CRADD: variants seen among roughly 807,000 people sequenced by gnomAD.
CRADD encodes CARD and death domain containing adaptor protein.
A neutral mutation model predicts 15.5 loss-of-function variants in CRADD; 9 were observed. That is an observed-to-expected ratio of 0.58 (90% CI 0.35 to 1.01). The LOEUF is 1.01. CRADD is among the 50% of genes least tolerant of loss of function. CRADD has a pLI of 0.02. For synonymous variants in CRADD, 118 were observed against 107.6 expected (o/e 1.10, Z -0.60); for missense variants, 227 against 250.3 (o/e 0.91, Z 0.63).
chr12:93,705,673 G>A (rs770790208), intron 2 of CRADD, among the ~76,000 whole-genome samples: 6 of 152,166 alleles, frequency 3.9e-5, no homozygotes, highest in Non-Finnish European at 8.8e-5. Context: ...GGAATTTAAT[G>A]TGTCAGTAAT....
chr12:93,855,473 A>G (rs906706241), downstream of CRADD, among the ~76,000 whole-genome samples: 4 of 152,250 alleles, frequency 2.6e-5, no homozygotes, highest in Non-Finnish European at 5.9e-5. Flanking sequence ...TGTTTGACCA[A>G]TGAGACAGAC....
At chr12:93,783,372 T>G (rs1957234902) in intron 2 of CRADD, among the ~76,000 whole-genome samples, 1 of 151,428 alleles carries the variant, frequency 6.6e-6, no homozygotes, top group Non-Finnish European at 1.5e-5. Context: ...TGTTTTATTT[T>G]ATGCTGGCTC....
At chr12:93,802,370 A>G (rs1242065528) in intron 2 of CRADD, among the ~76,000 whole-genome samples, 1 of 152,198 alleles carries the variant, frequency 6.6e-6, no homozygotes, top group South Asian at 2.1e-4. Context: ...TTGACGTTAT[A>G]ATTATGTCTT....
At chr12:93,778,183 A>ATAG (rs1213674402) in intron 2 of CRADD, among the ~76,000 whole-genome samples, 1 of 152,198 alleles carries the variant, frequency 6.6e-6, no homozygotes, top group African/African-American at 2.4e-5. Flanking sequence ...ATTTTTGAAA[A>ATAG]TACCATGGTT....
At chr12:93,688,165 C>G (rs1217183524) in intron 2 of CRADD, among the ~76,000 whole-genome samples, 1 of 152,124 alleles carries the variant, frequency 6.6e-6, no homozygotes. Context: ...CTTAGTCTGT[C>G]AGACTGGCTG....
At chr12:93,816,607 C>T (rs866784791) in intron 2 of CRADD, among the ~76,000 whole-genome samples, 1 of 152,144 alleles carries the variant, frequency 6.6e-6, no homozygotes, top group African/African-American at 2.4e-5. Context: ...ACATTTAGAG[C>T]ACACTTCAAT....
chr12:93,869,583 A>C (rs1031392323), intron 2 of CRADD, among the ~76,000 whole-genome samples: 1 of 152,178 alleles, frequency 6.6e-6, no homozygotes, highest in Non-Finnish European at 1.5e-5. Flanking sequence ...GCTGAAAAAG[A>C]ACCAAATGGA....
At chr12:93,759,083 T>C (rs988792698) in intron 2 of CRADD, among the ~76,000 whole-genome samples, 10 of 152,208 alleles carry the variant, frequency 6.6e-5, no homozygotes, top group African/African-American at 1.9e-4. Flanking sequence ...TAGAATGTTT[T>C]ATTACTTTTG....
At chr12:93,701,295 GACAC>G (rs55986038) in intron 2 of CRADD, among the ~76,000 whole-genome samples, 2,155 of 143,426 alleles carry the variant, frequency 0.015, 31 homozygotes, top group African/African-American at 0.037. Flanking sequence ...CTCTCTCTGT[GACAC>G]ACACACACAC....
At chr12:93,788,860 A>G (rs1044834654) in intron 2 of CRADD, among the ~76,000 whole-genome samples, 5 of 152,150 alleles carry the variant, frequency 3.3e-5, no homozygotes, top group African/African-American at 1.2e-4. Context: ...AGGGCACGGG[A>G]GAGCCTTTGG....
chr12:93,727,652 A>G (rs1443811364), intron 2 of CRADD, among the ~76,000 whole-genome samples: 1 of 152,214 alleles, frequency 6.6e-6, no homozygotes, highest in Admixed American at 6.5e-5. Context: ...TTATATGAGC[A>G]GAGGCATGTA....
intron 2 of CRADD, among the ~76,000 whole-genome samples, chr12:93,706,800 G>T (rs1161760955): frequency 6.6e-6 from 1 of 152,206 alleles, no homozygotes; most frequent in Non-Finnish European, 1.5e-5. Context: ...AGTATTGCAT[G>T]CAATCATTGT....
chr12:93,779,108 C>G lies in CRADD; in HGVS notation c.299-70862C>G, dbSNP rs74938312. On this transcript the variant is annotated intron_variant, in intron 2 of 2. Coordinates refer to ENST00000332896, the MANE Select transcript of CRADD (RefSeq NM_003805.5). ...CACATACTTAGGTTCAGCTAAATAT[C>G]AAAATCGCCACAGCCAAGATGTAGT... Among the ~76,000 whole-genome samples, 11 of 152,290 alleles carry G rather than the reference C, an allele frequency of 7.2e-5. 2 individuals carry two copies. Among genetic ancestry groups the G allele is most frequent in the Admixed American group, 2.6e-4 (4 of 15,298 alleles).
chr12:93,795,041 C>T (rs1261930399), intron 2 of CRADD, among the ~76,000 whole-genome samples: 2 of 152,182 alleles, frequency 1.3e-5, no homozygotes, highest in African/African-American at 4.8e-5. Flanking sequence ...CACACTCTAT[C>T]TCATAGCCCA....
downstream of CRADD, among the ~76,000 whole-genome samples, chr12:93,851,023 G>A (rs1958215032): frequency 6.6e-6 from 1 of 152,172 alleles, no homozygotes; most frequent in South Asian, 2.1e-4. Context: ...AAAATCCTGT[G>A]CTGTTTATTG....
intron 2 of CRADD, chr12:93,859,450 C>A: frequency 2.3e-6 from 1 of 437,402 alleles, no homozygotes; most frequent in South Asian, 1.6e-5. Flanking sequence ...AAGGTGAGGT[C>A]CAATTATATC....
At chr12:93,876,130 T>C (rs1021599520) in intron 2 of CRADD, among the ~76,000 whole-genome samples, 2 of 152,196 alleles carry the variant, frequency 1.3e-5, no homozygotes, top group African/African-American at 4.8e-5. Context: ...AAATATGTCA[T>C]GTCATTCTCT....
At chr12:93,777,158 G>A (rs768393934) in intron 2 of CRADD, among the ~76,000 whole-genome samples, 23 of 152,190 alleles carry the variant, frequency 1.5e-4, no homozygotes, top group Non-Finnish European at 2.5e-4. Flanking sequence ...CAGTGCCATA[G>A]CCAGCGAGCC....
At position 93,863,130 on chromosome 12, in the gene CRADD, C is replaced by G. The variant is rs562329558; in HGVS notation, c.299-30920C>G. 9.6e-4 allele frequency among the ~76,000 whole-genome samples: 146 copies of G among 152,210 alleles called. 1 individual carries two copies. The highest frequency in any genetic ancestry group is 8.3e-4 in the South Asian group (4 of 4,818). On this transcript the variant is annotated intron_variant, in intron 2 of 2. Coordinates refer to the CRADD transcript ENST00000548483. Reference sequence around the variant, plus strand: ...TGCAAAATATCCCCTGGCTTGATATCATGCTGCATTTCTGTTCAAGCAGTG... The same window carrying G: ...TGCAAAATATCCCCTGGCTTGATATGATGCTGCATTTCTGTTCAAGCAGTG...
Sources: gnomAD v4.1 joint callset for allele counts (sites outside exome capture counted in the v4.1 genomes callset) on GRCh38, gnomAD v4.1.1 for gene constraint, MANE v1.5 for transcripts, NCBI Gene and HGNC (gene_info 2026-07-23, HGNC 2026-07-21) for gene names.